The following KRABD3 variants were observed in gnomAD, a reference collection of about 807,000 sequenced individuals.
KRABD3 encodes KRAB domain-containing protein 3.
the KRABD3 span, chr7:149,730,189 C>A: frequency 6.4e-7 from 1 of 1,574,058 alleles, no homozygotes; most frequent in East Asian, 2.3e-5. Flanking sequence ...CTGGAGAGCG[C>A]CCTGAGGGGG....
At chr7:149,715,874 C>T in the KRABD3 span, among the ~76,000 whole-genome samples, 2 of 152,170 alleles carry the variant, frequency 1.3e-5, no homozygotes, top group Non-Finnish European at 2.9e-5. Flanking sequence ...AGTTAAGTAG[C>T]CTAGGGACAC....
chr7:149,730,936 G>A, the KRABD3 span, among the ~76,000 whole-genome samples: 1 of 152,184 alleles, frequency 6.6e-6, no homozygotes, highest in Admixed American at 6.5e-5. Context: ...TCCCCAGCTG[G>A]GGGTACTTCT....
At chr7:149,728,508 G>A in the KRABD3 span, 3 of 1,612,334 alleles carry the variant, frequency 1.9e-6, no homozygotes, top group Non-Finnish European at 2.5e-6. Context: ...ATCTGTGAAT[G>A]TTTGATCTTC....
At chr7:149,728,540 T>TCC in the KRABD3 span, 1 of 1,613,394 alleles carries the variant, frequency 6.2e-7, no homozygotes, top group Non-Finnish European at 8.5e-7. Flanking sequence ...ACCAGGAAGC[T>TCC]CCCCACTGCA....
At chr7:149,731,932 A>G in the KRABD3 span, among the ~76,000 whole-genome samples, 2 of 152,208 alleles carry the variant, frequency 1.3e-5, no homozygotes, top group Non-Finnish European at 2.9e-5. Flanking sequence ...GTGTTTTATC[A>G]CAGAAGCAGT....
the KRABD3 span, chr7:149,719,739 C>T: frequency 6.6e-7 from 1 of 1,522,934 alleles, no homozygotes; most frequent in Non-Finnish European, 8.9e-7. The surrounding 1 kb of genome is among the most constrained non-coding windows in gnomAD (Gnocchi z 5.6). Flanking sequence ...GGCCGGAGTC[C>T]CTGGACCCGG....
the KRABD3 span, chr7:149,721,318 G>T: frequency 6.6e-7 from 1 of 1,520,342 alleles, no homozygotes. Context: ...GACCCAGAAT[G>T]TGACAGTGTG....
chr7:149,733,956 A>T, the KRABD3 span: 2 of 1,602,564 alleles, frequency 1.2e-6, no homozygotes, highest in Non-Finnish European at 1.7e-6. Flanking sequence ...CGGCCCAAGG[A>T]GCCGAGCAGC....
chr7:149,729,081 G>A, the KRABD3 span: 4 of 857,358 alleles, frequency 4.7e-6, no homozygotes, highest in Admixed American at 7.2e-5. Context: ...CCTGATGCTG[G>A]TGTGCCTGAG....
At chr7:149,724,903 C>A in the KRABD3 span, 1 of 1,425,098 alleles carries the variant, frequency 7.0e-7, no homozygotes. Flanking sequence ...TTGTCAGTCC[C>A]TGGCAAGGTT....
the KRABD3 span, chr7:149,719,735 A>G: frequency 6.5e-7 from 1 of 1,542,942 alleles, no homozygotes. The surrounding 1 kb of genome is among the most constrained non-coding windows in gnomAD (Gnocchi z 5.6). Context: ...GGGAGGCCGG[A>G]GTCCCTGGAC....
At chr7:149,721,402 C>A in the KRABD3 span, 1 of 1,607,564 alleles carries the variant, frequency 6.2e-7, no homozygotes, top group Non-Finnish European at 8.5e-7. Flanking sequence ...GAGAGCCCTG[C>A]CCTCTCCGAG....
the KRABD3 span, chr7:149,723,464 A>G: frequency 2.1e-6 from 1 of 479,202 alleles, no homozygotes; most frequent in Non-Finnish European, 3.7e-6. Context: ...AGCTGTCTCA[A>G]ACAGTGACCC....
the KRABD3 span, chr7:149,730,475 T>C: frequency 2.5e-6 from 4 of 1,607,326 alleles, no homozygotes; most frequent in South Asian, 3.3e-5. Context: ...TCTGTCCCCA[T>C]GTCCTGGTGG....
At chr7:149,728,304 C>A in the KRABD3 span, among the ~76,000 whole-genome samples, 4 of 152,196 alleles carry the variant, frequency 2.6e-5, no homozygotes, top group African/African-American at 9.6e-5. Flanking sequence ...TCATGACAGC[C>A]GCAGGCCAGG....
chr7:149,725,977 C>T, the KRABD3 span: 22 of 1,610,272 alleles, frequency 1.4e-5, no homozygotes, highest in South Asian at 2.2e-5. Context: ...GGAACCCCCA[C>T]CAGCTTCTCC....
the KRABD3 span, chr7:149,733,737 G>GC: frequency 3.8e-6 from 6 of 1,584,030 alleles, no homozygotes; most frequent in Non-Finnish European, 5.1e-6. Flanking sequence ...GGGCTCCACT[G>GC]CAGCTCTTCC....
At chr7:149,728,419 C>T in the KRABD3 span, 1 of 1,327,774 alleles carries the variant, frequency 7.5e-7, no homozygotes, top group Non-Finnish European at 1.0e-6. Context: ...GCCCAGCACC[C>T]CTGTGACCCC....
chr7:149,721,275 A>G, the KRABD3 span: 1 of 1,362,442 alleles, frequency 7.3e-7, no homozygotes, highest in Non-Finnish European at 9.9e-7. Context: ...GGTGGCTGAC[A>G]TCCTGGTCAT....
Sources: allele counts gnomAD v4.1 joint callset (sites outside exome capture counted in the v4.1 genomes callset), GRCh38; gene constraint gnomAD v4.1.1; non-coding constraint Gnocchi (gnomAD v3.1); transcripts MANE v1.5; gene names NCBI Gene and HGNC (gene_info 2026-07-23, HGNC 2026-07-21).